FRZB: variants seen among roughly 807,000 people sequenced by gnomAD.
FRZB encodes secreted frizzled-related protein 3.
FRZB carries 34 observed loss-of-function variants against 32.5 expected under a neutral mutation model. That is an observed-to-expected ratio of 1.05 (90% CI 0.80 to 1.39). FRZB has a LOEUF of 1.39. Among genes scored for constraint, FRZB ranks in the 40% most tolerant of loss-of-function variants. FRZB has a pLI of 0.00. For missense variants in FRZB, 423 were observed against 424.8 expected, an observed-to-expected ratio of 1.00 and a Z score of 0.04; for synonymous variants, 170 against 159.2, an observed-to-expected ratio of 1.07 and a Z score of -0.51.
chr2:182,838,045 A>C, intron 4 of FRZB, 34 bp from the exon 5 acceptor site: 3 of 1,543,778 alleles, frequency 1.9e-6, no homozygotes, highest in Non-Finnish European at 2.7e-6. Context: ...ATTTTTGAAA[A>C]ATTAAAACCT....
At chr2:182,846,902 ATAG>A (rs1317360435) in intron 2 of FRZB, among the ~76,000 whole-genome samples, 1 of 152,176 alleles carries the variant, frequency 6.6e-6, no homozygotes, top group African/African-American at 2.4e-5. Context: ...TGTAGAACTG[ATAG>A]TAGTATCTTC....
chr2:182,837,122 G>T lies in FRZB; in HGVS notation c.861+826C>A, dbSNP rs116440973. 7.0e-3 allele frequency among the ~76,000 whole-genome samples: 567 copies of T among 81,330 alleles called. 2 individuals are homozygous for T. The highest frequency in any genetic ancestry group is 0.027 in the African/African-American group (542 of 19,850). 53.4% of individuals were successfully genotyped at this position (81,330 alleles called of 152,430 possible). ...CTTTGAGATTTTTTTGTCCCCCCATGCATTCCCCCACCCCATTCTTTTCTT... is the reference window on the plus strand; with the variant it reads ...CTTTGAGATTTTTTTGTCCCCCCATTCATTCCCCCACCCCATTCTTTTCTT... On this transcript the variant is annotated intron_variant, in intron 5 of 5. Transcript: ENST00000295113.
At chr2:182,853,718 T>C (rs920720071) in intron 2 of FRZB, among the ~76,000 whole-genome samples, 10 of 152,160 alleles carry the variant, frequency 6.6e-5, no homozygotes, top group African/African-American at 2.4e-4. Flanking sequence ...AGTTGATATT[T>C]CAAACTTATT....
chr2:182,842,619 G>T (rs535110084), intron 2 of FRZB, 76 bp from the exon 3 acceptor site: 4 of 1,173,000 alleles, frequency 3.4e-6, no homozygotes, highest in Non-Finnish European at 5.1e-6. Flanking sequence ...CACATTTTTT[G>T]CTCAGACTAG....
At chr2:182,865,126 T>C (rs963057719) in intron 1 of FRZB, among the ~76,000 whole-genome samples, 1 of 152,064 alleles carries the variant, frequency 6.6e-6, no homozygotes, top group Non-Finnish European at 1.5e-5. Flanking sequence ...AGTTTTATGG[T>C]AGGGAAAGAC....
chr2:182,843,710 T>A (rs1695609828), intron 2 of FRZB, among the ~76,000 whole-genome samples: 1 of 152,010 alleles, frequency 6.6e-6, no homozygotes, highest in Non-Finnish European at 1.5e-5. Context: ...GGAAAAAAAA[T>A]TGCTTTAGCC....
In FRZB at chr2:182,834,787, G is replaced by T; in HGVS notation, c.*62C>A. ...GCAATAGTGCAATTTTCCTTTGCTA[G>T]TCCAGCAATGCAAGTAAGTCTTAAT... On this transcript the variant is annotated 3_prime_UTR_variant, in exon 6 of 6. Coordinates refer to ENST00000295113, the MANE Select transcript of FRZB (RefSeq NM_001463.4). 3 of 1,156,094 alleles carry T rather than the reference G, an allele frequency of 2.6e-6. No homozygotes were observed. Among genetic ancestry groups the T allele is most frequent in the Non-Finnish European group, 3.9e-6 (3 of 762,960 alleles). The allele number at this position is 1,156,094 out of a possible 1,614,324, so 71.6% of individuals were successfully genotyped here. A position where few individuals can be genotyped will look rare whatever the true frequency, so the allele number is the denominator to read the frequency against.
At chr2:182,855,553 A>G (rs1360297628) in intron 2 of FRZB, among the ~76,000 whole-genome samples, 1 of 152,226 alleles carries the variant, frequency 6.6e-6, no homozygotes, top group African/African-American at 2.4e-5. Context: ...AAGACCAACG[A>G]AAGAGTCAAT....
rs139650080 is a variant in FRZB, at chr2:182,839,911, T to C, written c.593-1298A>G. The stretch of plus-strand genomic sequence containing the variant: ...CCCACATATTTTAGAGATTTTGGAC[T>C]ATAAAGGATTAGAAGAAAGTAATCC... On this transcript the variant is annotated intron_variant, in intron 3 of 5. Transcript: ENST00000295113. 2.6e-4 allele frequency among the ~76,000 whole-genome samples: 39 copies of C among 152,208 alleles called. No homozygotes were observed. The East Asian group carries it at 7.6e-3, about 29-fold the overall frequency.
intron 2 of FRZB, among the ~76,000 whole-genome samples, chr2:182,856,867 G>A (rs1276103867): frequency 6.6e-6 from 1 of 151,502 alleles, no homozygotes; most frequent in Non-Finnish European, 1.5e-5. Flanking sequence ...AATATTTGGA[G>A]ACCTAATCAC....
chr2:182,836,173 T>C (rs288323), intron 5 of FRZB, among the ~76,000 whole-genome samples: 8,281 of 152,148 alleles, frequency 0.054, 377 homozygotes, highest in African/African-American at 0.12. Context: ...ATAAGAGACT[T>C]AGGTAAACAA....
intron 2 of FRZB, among the ~76,000 whole-genome samples, chr2:182,853,203 A>G (rs1695728698): frequency 6.6e-6 from 1 of 152,210 alleles, no homozygotes; most frequent in Non-Finnish European, 1.5e-5. Flanking sequence ...AACATTTTTA[A>G]AAGACGAACA....
intron 5 of FRZB, among the ~76,000 whole-genome samples, chr2:182,835,853 C>G (rs997283029): frequency 6.6e-6 from 1 of 152,078 alleles, no homozygotes; most frequent in African/African-American, 2.4e-5. Flanking sequence ...CCATCAGATC[C>G]TTGGGTCAGA....
At chr2:182,846,920 T>C (rs191264965) in intron 2 of FRZB, among the ~76,000 whole-genome samples, 1 of 152,312 alleles carries the variant, frequency 6.6e-6, no homozygotes, top group East Asian at 1.9e-4. Flanking sequence ...ATCTTCTGAC[T>C]CCATAACTCT....
intron 3 of FRZB, among the ~76,000 whole-genome samples, chr2:182,841,336 T>C: frequency 6.6e-6 from 1 of 152,172 alleles, no homozygotes; most frequent in East Asian, 1.9e-4. Flanking sequence ...TTGAAAGATA[T>C]TGAAGCTAAC....
intron 5 of FRZB, 87 bp downstream of exon 5, chr2:182,837,861 A>C: frequency 1.1e-6 from 1 of 937,468 alleles, no homozygotes; most frequent in African/African-American, 1.6e-5. Context: ...GGTTGAAGGC[A>C]GCTATTTCAT....
intron 2 of FRZB, 29 bp from the exon 3 acceptor site, chr2:182,842,572 A>T (rs1695598194): frequency 2.6e-6 from 4 of 1,539,642 alleles, no homozygotes; most frequent in Non-Finnish European, 3.6e-6. Context: ...TTATAAGCAC[A>T]TTTCCAATAT....
intron 1 of FRZB, 33 bp from the exon 2 acceptor site, chr2:182,858,866 C>T (rs371814735): frequency 8.5e-6 from 13 of 1,534,728 alleles, no homozygotes; most frequent in African/African-American, 2.7e-5. Flanking sequence ...AGAACTATAA[C>T]ATATCTATTT....
chr2:182,860,961 G>A (rs1375742037), intron 1 of FRZB, among the ~76,000 whole-genome samples: 1 of 151,962 alleles, frequency 6.6e-6, no homozygotes, highest in South Asian at 2.1e-4. Flanking sequence ...AGAAACAAGT[G>A]CATGACTATG....
Sources: allele counts gnomAD v4.1 joint callset (sites outside exome capture counted in the v4.1 genomes callset), GRCh38; gene constraint gnomAD v4.1.1; transcripts MANE v1.5; gene names NCBI Gene and HGNC (gene_info 2026-07-23, HGNC 2026-07-21).